Variants in ATG7 observed in about 807,000 individuals in gnomAD.
ATG7 encodes ubiquitin-like modifier-activating enzyme ATG7.
In ATG7, 70 loss-of-function variants were observed where a neutral mutation model predicts 82.4. That is an observed-to-expected ratio of 0.85 (90% CI 0.70 to 1.04). The LOEUF is 1.04. Among genes scored for constraint, ATG7 ranks in the 50% least tolerant of loss-of-function variants. ATG7 has a pLI of 0.00. For missense variants in ATG7, 792 were observed against 864.3 expected, an observed-to-expected ratio of 0.92 and a Z score of 1.05; for synonymous variants, 287 against 313.0, an observed-to-expected ratio of 0.92 and a Z score of 0.88.
intron 4 of ATG7, chr3:11,299,068 A>G: frequency 1.6e-6 from 1 of 621,034 alleles, no homozygotes; most frequent in Non-Finnish European, 2.7e-6. Flanking sequence ...GTGAAACTCA[A>G]ATTATTAATC....
chr3:11,389,158 A>G (rs1414184391), intron 19 of ATG7, among the ~76,000 whole-genome samples: 2 of 140,524 alleles, frequency 1.4e-5, no homozygotes, highest in African/African-American at 5.2e-5. Context: ...CTTTGAACCC[A>G]GGAGGTGGAG....
At chr3:11,324,541 A>G (rs923874214) in intron 9 of ATG7, among the ~76,000 whole-genome samples, 4 of 152,194 alleles carry the variant, frequency 2.6e-5, no homozygotes, top group Non-Finnish European at 2.9e-5. Context: ...TTTTATGGGT[A>G]AGTGGTAGAT....
chr3:11,478,056 A>G (rs992672512), intron 20 of ATG7, among the ~76,000 whole-genome samples: 3 of 152,146 alleles, frequency 2.0e-5, no homozygotes. Context: ...TAAATAGCAC[A>G]GTATGATTAT....
At chr3:11,332,012 G>A (rs1027035628) in intron 10 of ATG7, among the ~76,000 whole-genome samples, 1 of 152,152 alleles carries the variant, frequency 6.6e-6, no homozygotes, top group African/African-American at 2.4e-5. Flanking sequence ...CTATGGCTCA[G>A]CAATGTTACT....
chr3:11,509,741 G>T (rs1201168452), intron 20 of ATG7, among the ~76,000 whole-genome samples: 1 of 152,044 alleles, frequency 6.6e-6, no homozygotes, highest in Non-Finnish European at 1.5e-5. Context: ...AACTTTTCAG[G>T]AACCTATCTA....
chr3:11,415,549 T>G (rs1365262866), intron 19 of ATG7, among the ~76,000 whole-genome samples: 1 of 152,194 alleles, frequency 6.6e-6, no homozygotes, highest in Non-Finnish European at 1.5e-5. Flanking sequence ...ATTTTTTCCT[T>G]TAAAAATTTT....
intron 3 of ATG7, among the ~76,000 whole-genome samples, chr3:11,297,218 C>CA (rs1396356859): frequency 2.6e-5 from 4 of 152,192 alleles, no homozygotes; most frequent in African/African-American, 4.8e-5. Context: ...ATTAGCCAGT[C>CA]ACGGTAGCCC....
At chr3:11,361,627 A>G (rs1237615816) in intron 16 of ATG7, among the ~76,000 whole-genome samples, 1 of 152,124 alleles carries the variant, frequency 6.6e-6, no homozygotes, top group East Asian at 1.9e-4. Flanking sequence ...AATATTCAAG[A>G]CCCACTTATA....
chr3:11,496,235 A>G (rs2090822987), intron 20 of ATG7, among the ~76,000 whole-genome samples: 1 of 152,332 alleles, frequency 6.6e-6, no homozygotes, highest in East Asian at 1.9e-4. Flanking sequence ...CATTCTCTCC[A>G]AGCGTTTCCA....
chr3:11,379,827 T>G (rs1451812803), intron 18 of ATG7, 145 bp from the exon 19 acceptor site: 2 of 730,182 alleles, frequency 2.7e-6, no homozygotes, highest in Non-Finnish European at 4.7e-6. Context: ...GGGAAAATAC[T>G]CATTTCGAAC....
chr3:11,336,200 T>G (rs1575531816), intron 11 of ATG7, among the ~76,000 whole-genome samples: 1 of 3,188 alleles, frequency 3.1e-4, no homozygotes, highest in African/African-American at 4.1e-3. Flanking sequence ...CACATGGCTA[T>G]TTTTTTTGTA....
chr3:11,343,050 T>G (rs1271700946), intron 13 of ATG7, among the ~76,000 whole-genome samples: 2 of 152,042 alleles, frequency 1.3e-5, no homozygotes, highest in African/African-American at 4.8e-5. Context: ...TGCCTCAACT[T>G]CCCGAGTAGC....
intron 19 of ATG7, among the ~76,000 whole-genome samples, chr3:11,380,267 G>A (rs1259306339): frequency 6.6e-6 from 1 of 152,192 alleles, no homozygotes; most frequent in Non-Finnish European, 1.5e-5. Context: ...GGGAGACTGA[G>A]TTAAAATATT....
At position 11,449,192 on chromosome 3, in the gene ATG7, A is replaced by G. The variant is rs2036231; in HGVS notation, c.2079+22266A>G. Among the ~76,000 whole-genome samples the G allele has an allele frequency of 6.1e-3, 922 of 152,330 alleles. 12 individuals carry two copies. Among genetic ancestry groups the G allele is most frequent in the African/African-American group, 0.021 (870 of 41,580 alleles). On this transcript the variant is annotated intron_variant, in intron 20 of 20. Transcript: ENST00000693202. ...TCTCTGCCTTCACCATCTGCTAACT[A>G]ATAAGCTAGGTGGGCCAAAATATGA...
At chr3:11,564,119 A>G in the ATG7 span, among the ~76,000 whole-genome samples, 2 of 152,238 alleles carry the variant, frequency 1.3e-5, no homozygotes, top group Non-Finnish European at 2.9e-5. Flanking sequence ...GGAGAGCTCA[A>G]GCAGTAATTT....
intron 3 of ATG7, among the ~76,000 whole-genome samples, chr3:11,293,546 A>G (rs1400869440): frequency 6.8e-6 from 1 of 146,804 alleles, no homozygotes; most frequent in Admixed American, 6.8e-5. Flanking sequence ...AAAAAAAAAA[A>G]AGAAAGAAAG....
intron 20 of ATG7, among the ~76,000 whole-genome samples, chr3:11,485,437 A>G (rs1195893228): frequency 6.6e-6 from 1 of 152,164 alleles, no homozygotes; most frequent in Admixed American, 6.5e-5. Flanking sequence ...GATTCTGGAC[A>G]TTAGCCCTTC....
intron 1 of ATG7, among the ~76,000 whole-genome samples, chr3:11,275,243 A>C (rs758064595): frequency 5.3e-5 from 8 of 152,178 alleles, no homozygotes; most frequent in African/African-American, 9.7e-5. Flanking sequence ...TAGTGTCTCT[A>C]ATAGATTAAC....
chr3:11,280,842 T>C (rs1249250456), intron 1 of ATG7, among the ~76,000 whole-genome samples, 152 bp from the exon 2 acceptor site: 1 of 152,230 alleles, frequency 6.6e-6, no homozygotes, highest in African/African-American at 2.4e-5. Context: ...TATTCATTCA[T>C]GTGGATAAAT....
Sources: allele counts gnomAD v4.1 joint callset (sites outside exome capture counted in the v4.1 genomes callset), GRCh38; gene constraint gnomAD v4.1.1; transcripts MANE v1.5; gene names NCBI Gene and HGNC (gene_info 2026-07-23, HGNC 2026-07-21).